Variants in CTXND1 observed in about 807,000 individuals in gnomAD.
The protein encoded by CTXND1 is cortexin domain-containing 1 protein.
At chr15:80,240,510 C>A (rs570281616) in intron 1 of CTXND1, among the ~76,000 whole-genome samples, 2 of 147,122 alleles carry the variant, frequency 1.4e-5, no homozygotes, top group African/African-American at 5.3e-5. Context: ...TGCCAACACT[C>A]CCCCCCCACC....
chr15:80,205,344 T>C (rs1390488576), intron 1 of CTXND1, among the ~76,000 whole-genome samples: 1 of 152,226 alleles, frequency 6.6e-6, no homozygotes, highest in Non-Finnish European at 1.5e-5. Context: ...TCTGAGTATG[T>C]CCGTAATTAA....
At chr15:80,251,593 G>A (rs573872392) in intron 1 of CTXND1, among the ~76,000 whole-genome samples, 11 of 152,340 alleles carry the variant, frequency 7.2e-5, no homozygotes, top group African/African-American at 2.4e-4. Flanking sequence ...ACCCCTCAAT[G>A]GCAGAGAGGC....
chr15:80,239,168 C>T (rs1012239681), intron 1 of CTXND1, among the ~76,000 whole-genome samples: 3 of 152,204 alleles, frequency 2.0e-5, no homozygotes, highest in African/African-American at 7.2e-5. Flanking sequence ...GTCTGAAGCC[C>T]TTCCCACCAG....
At chr15:80,217,808 A>G (rs1157208053) in intron 1 of CTXND1, among the ~76,000 whole-genome samples, 1 of 152,066 alleles carries the variant, frequency 6.6e-6, no homozygotes, top group African/African-American at 2.4e-5. Context: ...CAGCCTCCCA[A>G]AGTGTTGGGA....
Position 80,201,778 on chromosome 15 carries a change from C to T in CTXND1, c.172G>A (p.Asp58Asn), listed in dbSNP as rs1002648196. The T allele has an allele frequency of 2.5e-6, 1 of 398,788 alleles. No homozygotes were observed. The highest frequency in any genetic ancestry group is 2.1e-5 in the African/African-American group (1 of 48,632). The allele number at this position is 398,788 out of a possible 1,614,324, so 24.7% of individuals were successfully genotyped here. ...PTSTWEEQHL[D>N]D is the part of the protein sequence containing the mutation. ...CCCACAGCCGCTGTGCCTCAGTCGT[C>T]CAGGTGCTGCTCCTCCCAGGTGGAT... The change falls in exon 3 of 3, where the codon GAC (aspartate) becomes AAC (asparagine). Residue 58 changes from aspartate (D) to asparagine (N), a missense_variant. Asp to Asn is a conservative substitution (Grantham distance 23). Coordinates refer to ENST00000560778, the MANE Select transcript of CTXND1 (RefSeq NM_001352888.2).
chr15:80,246,315 G>T (rs1465262614), intron 1 of CTXND1, among the ~76,000 whole-genome samples: 47 of 152,214 alleles, frequency 3.1e-4, no homozygotes, highest in Admixed American at 3.1e-3. Flanking sequence ...TAGTGTATAG[G>T]TTGAAATTGG....
Position 80,248,117 on chromosome 15 carries a change from G to A in CTXND1, c.-218+3890C>T, listed in dbSNP as rs544805960. Among the ~76,000 whole-genome samples the A allele has an allele frequency of 1.1e-4, 16 of 152,256 alleles. No homozygotes were observed. In the South Asian group the frequency reaches 2.1e-3, roughly 20 times the overall value. On this transcript the variant is annotated intron_variant, in intron 1 of 2. Transcript: ENST00000560778. Reference sequence around the variant, plus strand: ...GGACCTGAGGCTTGTGGCTCTTCCCGTGCATGGGCCTCATTGCTGTGCCAG... The same window carrying A: ...GGACCTGAGGCTTGTGGCTCTTCCCATGCATGGGCCTCATTGCTGTGCCAG...
intron 1 of CTXND1, among the ~76,000 whole-genome samples, chr15:80,232,966 T>C (rs1003841188): frequency 7.3e-6 from 1 of 137,178 alleles, no homozygotes; most frequent in Non-Finnish European, 1.6e-5. Context: ...TTTTTGAGAC[T>C]GAGTCTTGCT....
chr15:80,217,589 T>C (rs28380011), intron 1 of CTXND1, among the ~76,000 whole-genome samples: 114,218 of 151,542 alleles, frequency 0.75, 43,287 homozygotes, highest in East Asian at 0.9. Flanking sequence ...CTTTGTCACC[T>C]GGACTGGAGT....
rs1292843327 is a variant in CTXND1 at position 80,199,232 on chromosome 15, T to C, written c.*2538A>G. On this transcript the variant is annotated 3_prime_UTR_variant, in exon 3 of 3. Coordinates refer to ENST00000560778, the MANE Select transcript of CTXND1 (RefSeq NM_001352888.2). ...TGCTTCTTAAACTTTAACGTGCACATAAACCACCTAGCGAATCTTGCTAAT... is the reference window on the plus strand; with the variant it reads ...TGCTTCTTAAACTTTAACGTGCACACAAACCACCTAGCGAATCTTGCTAAT... 6.6e-6 allele frequency: 1 copy of C among 152,228 alleles called. No individual in the cohort carries two copies. Among genetic ancestry groups the C allele is most frequent in the Non-Finnish European group, 1.5e-5 (1 of 68,036 alleles). The allele number at this position is 152,228 out of a possible 1,614,324, so 9.4% of individuals were successfully genotyped here.
At chr15:80,231,787 A>G (rs1039584954) in intron 1 of CTXND1, among the ~76,000 whole-genome samples, 1 of 152,194 alleles carries the variant, frequency 6.6e-6, no homozygotes, top group Non-Finnish European at 1.5e-5. Context: ...AACTTTTATT[A>G]AAAAATTTTC....
chr15:80,238,755 G>A (rs1035725718), intron 1 of CTXND1, among the ~76,000 whole-genome samples: 25 of 152,078 alleles, frequency 1.6e-4, no homozygotes, highest in African/African-American at 6.0e-4. Flanking sequence ...GATTACAGGC[G>A]TGAGCCACCG....
At chr15:80,241,314 G>C (rs12902454) in intron 1 of CTXND1, among the ~76,000 whole-genome samples, 16,226 of 152,164 alleles carry the variant, frequency 0.11, 887 homozygotes, top group Middle Eastern at 0.13. Context: ...CCTGCCTCCT[G>C]TTCCTTCTTT....
chr15:80,221,906 A>T (rs1051445811), intron 1 of CTXND1, among the ~76,000 whole-genome samples: 1 of 152,144 alleles, frequency 6.6e-6, no homozygotes, highest in African/African-American at 2.4e-5. Context: ...TAGCTAGAAA[A>T]TTTTATTTGG....
At chr15:80,220,785 AT>A (rs896260807) in intron 1 of CTXND1, among the ~76,000 whole-genome samples, 13 of 150,598 alleles carry the variant, frequency 8.6e-5, no homozygotes, top group African/African-American at 1.2e-4. Flanking sequence ...TATAGTATTG[AT>A]TTTTTTTTAC....
chr15:80,234,454 T>C (rs1893470020), intron 1 of CTXND1, among the ~76,000 whole-genome samples: 1 of 150,980 alleles, frequency 6.6e-6, no homozygotes, highest in Non-Finnish European at 1.5e-5. Context: ...TAACATGTAT[T>C]ATTCCACAAT....
intron 1 of CTXND1, among the ~76,000 whole-genome samples, chr15:80,250,252 A>G (rs1171778449): frequency 2.0e-5 from 3 of 152,200 alleles, no homozygotes; most frequent in Admixed American, 1.3e-4. Flanking sequence ...TAACCCTGTA[A>G]GGAAAGGAAC....
Position 80,224,893 on chromosome 15 carries a change from G to A in CTXND1, c.-217-21153C>T, listed in dbSNP as rs151068325. ...CAAGCAGCCGAGATTACAGGCAGCC[G>A]CCACCATGTGGGGCAAATTTTTGTA... On this transcript the variant is annotated intron_variant, in intron 1 of 2. Transcript: ENST00000560778. Among the ~76,000 whole-genome samples, 878 of 152,280 alleles carry A rather than the reference G, an allele frequency of 5.8e-3. 6 individuals carry two copies. Among genetic ancestry groups the A allele is most frequent in the African/African-American group, 0.02 (833 of 41,558 alleles).
intron 1 of CTXND1, among the ~76,000 whole-genome samples, chr15:80,236,808 C>T (rs1893503656): frequency 6.6e-6 from 1 of 150,490 alleles, no homozygotes; most frequent in Non-Finnish European, 1.5e-5. Flanking sequence ...TATAATGGAG[C>T]TGAAAAATTC....
Sources: gnomAD v4.1 joint callset for allele counts (sites outside exome capture counted in the v4.1 genomes callset) on GRCh38, gnomAD v4.1.1 for gene constraint, MANE v1.5 for transcripts, NCBI Gene and HGNC (gene_info 2026-07-23, HGNC 2026-07-21) for gene names.